The following SLC9A9 variants were observed in gnomAD, a reference collection of about 807,000 sequenced individuals.
The protein encoded by SLC9A9 is sodium/hydrogen exchanger 9.
In SLC9A9, 62 loss-of-function variants were observed where a neutral mutation model predicts 77.8. The observed-to-expected ratio is 0.80, with a 90% CI of 0.65 to 0.98. The LOEUF (loss-of-function observed/expected upper bound fraction) is 0.98. SLC9A9 is among the 50% of genes least tolerant of loss of function. SLC9A9 has a pLI of 0.00. For missense variants in SLC9A9, 775 were observed against 774.9 expected (o/e 1.00, Z 0.00); for synonymous variants, 320 against 283.5 (o/e 1.13, Z -1.29).
intron 4 of SLC9A9, among the ~76,000 whole-genome samples, chr3:143,752,492 C>T (rs2006765518): frequency 6.6e-6 from 1 of 152,116 alleles, no homozygotes; most frequent in Non-Finnish European, 1.5e-5. Context: ...GTCTGCCCAT[C>T]TCAAGGGAGG....
intron 9 of SLC9A9, among the ~76,000 whole-genome samples, chr3:143,522,438 C>T (rs930365232): frequency 6.6e-6 from 1 of 152,086 alleles, no homozygotes; most frequent in Non-Finnish European, 1.5e-5. Flanking sequence ...TCTAATATGG[C>T]CACCACAACT....
At chr3:143,740,464 A>G (rs951075963) in intron 4 of SLC9A9, among the ~76,000 whole-genome samples, 2 of 152,152 alleles carry the variant, frequency 1.3e-5, no homozygotes, top group Non-Finnish European at 1.5e-5. Context: ...AAGCATAGTG[A>G]TATTTGTCCT....
intron 14 of SLC9A9, among the ~76,000 whole-genome samples, chr3:143,319,870 C>T (rs768369930): frequency 2.0e-5 from 3 of 152,172 alleles, no homozygotes; most frequent in Non-Finnish European, 2.9e-5. Flanking sequence ...TAGGGGTAAA[C>T]GCCTTCCCAT....
At chr3:143,550,259 C>G (rs1371612130) in intron 9 of SLC9A9, among the ~76,000 whole-genome samples, 8 of 152,224 alleles carry the variant, frequency 5.3e-5, no homozygotes, top group Non-Finnish European at 1.2e-4. Context: ...TCTACTCCCA[C>G]TGCCCTAATA....
chr3:143,583,552 G>GCTTACTGCCA (rs1451539610), intron 6 of SLC9A9, among the ~76,000 whole-genome samples: 61 of 152,178 alleles, frequency 4.0e-4, no homozygotes, highest in African/African-American at 1.4e-3. Flanking sequence ...GTAAGTCTCA[G>GCTTACTGCCA]CTTACTGCCA....
At chr3:143,815,316 A>C (rs757906457) in intron 2 of SLC9A9, among the ~76,000 whole-genome samples, 7 of 152,178 alleles carry the variant, frequency 4.6e-5, no homozygotes, top group Non-Finnish European at 8.8e-5. Context: ...CATGGCAGGC[A>C]CTTGTCAAAG....
intron 12 of SLC9A9, among the ~76,000 whole-genome samples, chr3:143,400,407 C>G (rs1172534459): frequency 6.6e-6 from 1 of 152,086 alleles, no homozygotes; most frequent in Non-Finnish European, 1.5e-5. Flanking sequence ...GAACTGGAAA[C>G]TATTATTTTA....
At chr3:143,334,663 G>A (rs112856737) in intron 14 of SLC9A9, among the ~76,000 whole-genome samples, 2,064 of 152,220 alleles carry the variant, frequency 0.014, 21 homozygotes, top group Middle Eastern at 0.048. Flanking sequence ...AGACAATAAA[G>A]GCTCAGTAAT....
intron 1 of SLC9A9, among the ~76,000 whole-genome samples, chr3:143,842,492 C>T (rs944354157): frequency 2.6e-5 from 4 of 152,198 alleles, no homozygotes; most frequent in Non-Finnish European, 2.9e-5. Context: ...TGTATTAACA[C>T]ATGGAAAACA....
chr3:143,525,457 G>T (rs1405083492), intron 9 of SLC9A9, among the ~76,000 whole-genome samples: 1 of 152,044 alleles, frequency 6.6e-6, no homozygotes, highest in Non-Finnish European at 1.5e-5. Context: ...ACTCTAATCT[G>T]GCTCTGTCAG....
intron 12 of SLC9A9, among the ~76,000 whole-genome samples, chr3:143,445,559 C>T (rs2034826413): frequency 6.6e-6 from 1 of 152,148 alleles, no homozygotes; most frequent in Non-Finnish European, 1.5e-5. Flanking sequence ...AGTGAGAAAA[C>T]AGATGGCACA....
intron 8 of SLC9A9, among the ~76,000 whole-genome samples, chr3:143,561,596 A>T (rs1030295802): frequency 1.3e-5 from 2 of 152,174 alleles, no homozygotes; most frequent in African/African-American, 4.8e-5. Context: ...TTCTCTCGCC[A>T]TGGCTACAGG....
chr3:143,620,878 G>T (rs780215680), intron 6 of SLC9A9, among the ~76,000 whole-genome samples: 37 of 152,268 alleles, frequency 2.4e-4, no homozygotes, highest in Non-Finnish European at 4.3e-4. Context: ...GAAGAAAGGG[G>T]TGACAGACGG....
chr3:143,269,762 G>A (rs1161477390), intron 14 of SLC9A9, among the ~76,000 whole-genome samples: 1 of 152,180 alleles, frequency 6.6e-6, no homozygotes, highest in Non-Finnish European at 1.5e-5. Flanking sequence ...TACTTCCTCT[G>A]CTGGAGAGTA....
rs919108032 is a variant in SLC9A9 at position 143,574,059 on chromosome 3, C to T, written c.1000+29G>A. On this transcript the variant is annotated intron_variant, in intron 8 of 15. Coordinates refer to ENST00000316549, the MANE Select transcript of SLC9A9 (RefSeq NM_173653.4). ...AGAGCCACACACATATTCACACATC[C>T]AGTTGGCTGTGCAGCATGAAGCACT... 2.5e-6 allele frequency: 4 copies of T among 1,587,094 alleles called. No homozygotes were observed. The African/African-American group carries it at 4.0e-5, about 16-fold the overall frequency.
At chr3:143,429,326 C>A (rs1425407445) in intron 12 of SLC9A9, among the ~76,000 whole-genome samples, 1 of 152,116 alleles carries the variant, frequency 6.6e-6, no homozygotes, top group Admixed American at 6.6e-5. Context: ...GTAACTCAGG[C>A]AGCTATGGTA....
At chr3:143,764,569 T>C (rs2108835063) in intron 4 of SLC9A9, among the ~76,000 whole-genome samples, 1 of 152,178 alleles carries the variant, frequency 6.6e-6, no homozygotes, top group East Asian at 1.9e-4. Context: ...TATGTCTGGG[T>C]TTGTTTGTTG....
At chr3:143,816,304 AG>A (rs1187912266) in intron 2 of SLC9A9, among the ~76,000 whole-genome samples, 2 of 152,206 alleles carry the variant, frequency 1.3e-5, no homozygotes, top group Admixed American at 6.5e-5. Flanking sequence ...CGTGGGCTCA[AG>A]TGATCTTTCC....
At chr3:143,769,280 C>G (rs1296575368) in intron 4 of SLC9A9, among the ~76,000 whole-genome samples, 2 of 152,066 alleles carry the variant, frequency 1.3e-5, no homozygotes, top group African/African-American at 4.8e-5. Context: ...CTAAACTCGC[C>G]TGGGACCCTG....
Sources: allele counts gnomAD v4.1 joint callset (sites outside exome capture counted in the v4.1 genomes callset), GRCh38; gene constraint gnomAD v4.1.1; transcripts MANE v1.5; gene names NCBI Gene and HGNC (gene_info 2026-07-23, HGNC 2026-07-21).